LDAH: variants seen among roughly 807,000 people sequenced by gnomAD.
LDAH encodes lipid droplet-associated hydrolase.
A neutral mutation model predicts 29.6 loss-of-function variants in LDAH; 26 were observed. The observed-to-expected ratio is 0.88, with a 90% CI of 0.64 to 1.22. The LOEUF is 1.22. LDAH is among the 50% of genes most tolerant of loss of function. The pLI is 0.00. For missense variants in LDAH, 344 were observed against 387.3 expected (o/e 0.89, Z 0.94); for synonymous variants, 117 against 133.0 (o/e 0.88, Z 0.83).
intron 5 of LDAH, among the ~76,000 whole-genome samples, chr2:20,722,072 G>A (rs1665684843): frequency 6.6e-6 from 1 of 152,114 alleles, no homozygotes; most frequent in African/African-American, 2.4e-5. Flanking sequence ...TTCCTATGTG[G>A]GAGCTAAAAA....
At chr2:20,741,626 C>T (rs1667182188) in intron 4 of LDAH, among the ~76,000 whole-genome samples, 1 of 152,160 alleles carries the variant, frequency 6.6e-6, no homozygotes, top group Admixed American at 6.5e-5. Flanking sequence ...CCTCATTCTC[C>T]CACTGCCCAC....
intron 2 of LDAH, among the ~76,000 whole-genome samples, chr2:20,791,459 C>T (rs1413618445): frequency 3.3e-5 from 5 of 152,208 alleles, no homozygotes; most frequent in African/African-American, 7.2e-5. Flanking sequence ...TGTACAACAA[C>T]GTCTAGCTAT....
At chr2:20,781,425 T>C (rs1375012474) in intron 3 of LDAH, among the ~76,000 whole-genome samples, 1 of 152,220 alleles carries the variant, frequency 6.6e-6, no homozygotes, top group African/African-American at 2.4e-5. Flanking sequence ...GCTTATGCCC[T>C]TTTTCTCAAT....
chr2:20,694,992 G>A (rs181124604), intron 6 of LDAH, among the ~76,000 whole-genome samples: 7 of 152,354 alleles, frequency 4.6e-5, no homozygotes, highest in African/African-American at 7.2e-5. Context: ...GGCCCTGAGC[G>A]CCAGTCTCCT....
At chr2:20,696,835 C>T (rs1190915236) in intron 6 of LDAH, among the ~76,000 whole-genome samples, 1 of 152,148 alleles carries the variant, frequency 6.6e-6, no homozygotes, top group Non-Finnish European at 1.5e-5. Context: ...AGTTGATTCT[C>T]TTCCCTTGGT....
At chr2:20,805,434 A>G (rs967098798) in intron 1 of LDAH, among the ~76,000 whole-genome samples, 2 of 152,234 alleles carry the variant, frequency 1.3e-5, no homozygotes, top group African/African-American at 2.4e-5. Context: ...AATCTGAGGC[A>G]CGAGAATTAA....
At chr2:20,793,773 T>TAAAC (rs139322769) in intron 2 of LDAH, among the ~76,000 whole-genome samples, 23,017 of 151,934 alleles carry the variant, frequency 0.15, 4,282 homozygotes, top group African/African-American at 0.45. Flanking sequence ...TTAGATAAAA[T>TAAAC]AAACTTTTAG....
chr2:20,735,223 T>A (rs1034643128), intron 5 of LDAH, among the ~76,000 whole-genome samples: 18 of 152,300 alleles, frequency 1.2e-4, no homozygotes, highest in Middle Eastern at 3.4e-3. Context: ...CCAGACCTAC[T>A]CTCTATTTCT....
At chr2:20,719,668 A>G (rs1223811187) in intron 5 of LDAH, among the ~76,000 whole-genome samples, 3 of 152,126 alleles carry the variant, frequency 2.0e-5, no homozygotes, top group Middle Eastern at 3.2e-3. Context: ...AGACAAGAAT[A>G]TAACAGAAAA....
At chr2:20,701,498 T>C (rs1663932893) in intron 6 of LDAH, 72 bp downstream of exon 6, 2 of 1,216,272 alleles carry the variant, frequency 1.6e-6, no homozygotes, top group East Asian at 4.7e-5. Context: ...TTCTAACTAG[T>C]TCTAGTCCTT....
intron 5 of LDAH, among the ~76,000 whole-genome samples, chr2:20,710,635 GAT>G (rs199936902): frequency 2.0e-4 from 24 of 121,872 alleles, no homozygotes; most frequent in East Asian, 1.7e-3. Flanking sequence ...TATATATATA[GAT>G]ATATAGTATA....
chr2:20,685,310 G>A lies in LDAH; in HGVS notation c.*1593C>T, dbSNP rs769374171. On this transcript the variant is annotated 3_prime_UTR_variant, in exon 7 of 7. Transcript: ENST00000237822. ...GATTTAGTATCAGTGAGTATCTCCT[G>A]TATGCAAGGCGCTCAGAGCCATGAT... 2 of 552,634 alleles carry A rather than the reference G, an allele frequency of 3.6e-6. No individual in the cohort carries two copies. Among genetic ancestry groups the A allele is most frequent in the Non-Finnish European group, 6.2e-6 (2 of 321,682 alleles). 34.2% of individuals were successfully genotyped at this position (552,634 alleles called of 1,614,324 possible).
At chr2:20,722,637 T>C (rs1665739540) in intron 5 of LDAH, among the ~76,000 whole-genome samples, 1 of 152,188 alleles carries the variant, frequency 6.6e-6, no homozygotes, top group African/African-American at 2.4e-5. Flanking sequence ...AAGAGATGGA[T>C]ACCCCATTTA....
intron 3 of LDAH, 43 bp downstream of exon 3, chr2:20,790,212 C>T: frequency 6.2e-7 from 1 of 1,605,318 alleles, no homozygotes; most frequent in Non-Finnish European, 8.5e-7. Context: ...AAACATGACC[C>T]TGCACTCACT....
intron 5 of LDAH, among the ~76,000 whole-genome samples, chr2:20,702,192 G>C (rs1663994598): frequency 6.6e-6 from 1 of 152,114 alleles, no homozygotes; most frequent in African/African-American, 2.4e-5. Context: ...TCACTTTCAA[G>C]ATGTCAAATA....
At position 20,686,970 on chromosome 2, in the gene LDAH, G is replaced by T. The variant is rs778553945; in HGVS notation, c.911C>A (p.Thr304Asn). ...GTCTGCCATTTCCTGGTTAAAATGGGTGATGAAAGCATGAGGTATGTTTTT... is the reference window on the plus strand; with the variant it reads ...GTCTGCCATTTCCTGGTTAAAATGGTTGATGAAAGCATGAGGTATGTTTTT... Reference protein sequence around the residue: ...CEKNIPHAFITHFNQEMADMI... With the variant: ...CEKNIPHAFINHFNQEMADMI... Residue 304 changes from threonine (T) to asparagine (N), a missense_variant, in exon 7 of 7, where the codon ACC becomes AAC. Coordinates refer to ENST00000237822, the MANE Select transcript of LDAH (RefSeq NM_021925.4). The T allele has an allele frequency of 4.3e-6, 7 of 1,613,980 alleles. No individual in the cohort carries two copies. In the African/African-American group the frequency reaches 8.0e-5, roughly 18 times the overall value.
chr2:20,768,429 G>A (rs1051734106), intron 4 of LDAH, among the ~76,000 whole-genome samples: 2 of 152,184 alleles, frequency 1.3e-5, no homozygotes, highest in Non-Finnish European at 2.9e-5. Flanking sequence ...GCCTCACAGA[G>A]AGCTGACACC....
At chr2:20,693,874 G>C (rs982921253) in intron 6 of LDAH, among the ~76,000 whole-genome samples, 8 of 152,260 alleles carry the variant, frequency 5.3e-5, no homozygotes, top group African/African-American at 9.6e-5. Flanking sequence ...CTGCATGGCA[G>C]GGCAACCAGG....
intron 2 of LDAH, among the ~76,000 whole-genome samples, chr2:20,791,598 T>G (rs1195417313): frequency 4.6e-5 from 7 of 152,220 alleles, no homozygotes; most frequent in African/African-American, 1.7e-4. Flanking sequence ...GGATGAAAAC[T>G]TCCTCAAATG....
Sources: gnomAD v4.1 joint callset for allele counts (sites outside exome capture counted in the v4.1 genomes callset) on GRCh38, gnomAD v4.1.1 for gene constraint, MANE v1.5 for transcripts, NCBI Gene and HGNC (gene_info 2026-07-23, HGNC 2026-07-21) for gene names.